ZMAT4: variants seen among roughly 807,000 people sequenced by gnomAD.
ZMAT4 encodes the protein zinc finger matrin-type 4.
A neutral mutation model predicts 28.7 loss-of-function variants in ZMAT4; 17 were observed. The ratio of observed to expected loss-of-function variants is 0.59; its 90% confidence interval spans 0.41 to 0.89. ZMAT4 has a LOEUF of 0.89. Among genes scored for constraint, ZMAT4 ranks in the 40% least tolerant of loss-of-function variants. The pLI, the probability that ZMAT4 is intolerant of heterozygous loss-of-function variation, is 0.00. For synonymous variants in ZMAT4, 117 were observed against 109.2 expected, an observed-to-expected ratio of 1.07 and a Z score of -0.44; for missense variants, 240 against 283.8, an observed-to-expected ratio of 0.85 and a Z score of 1.11.
intron 1 of ZMAT4, among the ~76,000 whole-genome samples, chr8:40,895,733 G>T (rs1263453503): frequency 6.6e-6 from 1 of 152,132 alleles, no homozygotes; most frequent in Non-Finnish European, 1.5e-5. Flanking sequence ...CAACAGATTG[G>T]CATCAATTAA....
intron 6 of ZMAT4, among the ~76,000 whole-genome samples, chr8:40,551,118 C>T (rs745384097): frequency 6.6e-6 from 1 of 152,096 alleles, no homozygotes; most frequent in Non-Finnish European, 1.5e-5. Context: ...GGCTGGCCTA[C>T]AATCCATAAT....
chr8:40,660,801 C>T (rs750126369), intron 5 of ZMAT4, among the ~76,000 whole-genome samples: 1 of 152,164 alleles, frequency 6.6e-6, no homozygotes, highest in Non-Finnish European at 1.5e-5. Flanking sequence ...TTGTAGAGTA[C>T]TGAATGAGCT....
chr8:40,862,901 A>G (rs1004552547), intron 1 of ZMAT4, among the ~76,000 whole-genome samples: 2 of 151,996 alleles, frequency 1.3e-5, no homozygotes, highest in African/African-American at 4.8e-5. Context: ...GCACACTGTC[A>G]TGGCACATGT....
chr8:40,591,977 G>GA (rs11287617), intron 5 of ZMAT4, among the ~76,000 whole-genome samples: 1 of 151,288 alleles, frequency 6.6e-6, no homozygotes, highest in African/African-American at 2.4e-5. Context: ...GTCTTTTATG[G>GA]AAAAAAAAAA....
At chr8:40,737,203 GA>G (rs34787546) in intron 3 of ZMAT4, among the ~76,000 whole-genome samples, 44,648 of 151,836 alleles carry the variant, frequency 0.29, 7,144 homozygotes, top group Non-Finnish European at 0.36. Flanking sequence ...AACATTATGA[GA>G]TTTTTTTTGC....
chr8:40,743,527 T>C (rs1282203383), intron 3 of ZMAT4, among the ~76,000 whole-genome samples: 1 of 152,194 alleles, frequency 6.6e-6, no homozygotes, highest in Non-Finnish European at 1.5e-5. Flanking sequence ...CGGTCCTTCA[T>C]TTATTCATCC....
At chr8:40,534,827 C>T (rs187884825) in intron 6 of ZMAT4, among the ~76,000 whole-genome samples, 1 of 152,022 alleles carries the variant, frequency 6.6e-6, no homozygotes, top group East Asian at 1.9e-4. Context: ...GGATTACAGC[C>T]ACGTGCTACC....
chr8:40,726,203 A>T (rs187566502), intron 3 of ZMAT4, among the ~76,000 whole-genome samples: 89 of 152,334 alleles, frequency 5.8e-4, no homozygotes, highest in African/African-American at 1.9e-3. Flanking sequence ...CCTTTATGCA[A>T]ACTCTGAAGT....
chr8:40,753,639 C>A (rs113884700), intron 3 of ZMAT4, among the ~76,000 whole-genome samples: 24 of 152,120 alleles, frequency 1.6e-4, no homozygotes, highest in Non-Finnish European at 3.1e-4. Context: ...TCTTGGTAGG[C>A]AAGCAATTAA....
intron 2 of ZMAT4, among the ~76,000 whole-genome samples, chr8:40,803,411 C>G (rs1038340504): frequency 6.6e-6 from 1 of 152,002 alleles, no homozygotes; most frequent in African/African-American, 2.4e-5. Flanking sequence ...GAACACAACC[C>G]CACTAAAAAA....
intron 3 of ZMAT4, among the ~76,000 whole-genome samples, chr8:40,765,512 T>A (rs1247156835): frequency 1.3e-5 from 2 of 152,242 alleles, no homozygotes; most frequent in African/African-American, 4.8e-5. Flanking sequence ...AAAAATGATT[T>A]GATAAATAAA....
intron 5 of ZMAT4, among the ~76,000 whole-genome samples, chr8:40,623,241 T>A (rs1220117487): frequency 6.6e-6 from 1 of 152,102 alleles, no homozygotes; most frequent in African/African-American, 2.4e-5. Context: ...AATAACATGG[T>A]CATCCGAGTT....
chr8:40,619,067 A>G (rs1806113316), intron 5 of ZMAT4, among the ~76,000 whole-genome samples: 1 of 152,180 alleles, frequency 6.6e-6, no homozygotes, highest in African/African-American at 2.4e-5. Context: ...TCAGTAACCA[A>G]TTCCTGACGC....
rs545035602 is a variant in ZMAT4, at chr8:40,658,856, C to T, written c.577+15848G>A. Among the ~76,000 whole-genome samples, 6 of 152,242 alleles carry T rather than the reference C, an allele frequency of 3.9e-5. No individual in the cohort carries two copies. The East Asian group carries it at 1.2e-3, about 30-fold the overall frequency. The stretch of plus-strand genomic sequence containing the variant: ...AGCCACAAAAACTGGAAAACTCACT[C>T]AATGTTCTTTCCTTATTCCAAATGT... On this transcript the variant is annotated intron_variant, in intron 5 of 6. Coordinates refer to ENST00000297737, the MANE Select transcript of ZMAT4 (RefSeq NM_024645.3).
At chr8:40,632,052 C>G (rs1364570776) in intron 5 of ZMAT4, among the ~76,000 whole-genome samples, 1 of 152,168 alleles carries the variant, frequency 6.6e-6, no homozygotes, top group Non-Finnish European at 1.5e-5. Context: ...CACAGGGAGC[C>G]TTTCCTGCCT....
At chr8:40,845,597 G>A (rs1415020727) in intron 1 of ZMAT4, among the ~76,000 whole-genome samples, 1 of 151,822 alleles carries the variant, frequency 6.6e-6, no homozygotes, top group Non-Finnish European at 1.5e-5. Context: ...CTAACTACAG[G>A]CAAGACAGGG....
At chr8:40,889,140 T>C (rs1241985228) in intron 1 of ZMAT4, among the ~76,000 whole-genome samples, 1 of 152,220 alleles carries the variant, frequency 6.6e-6, no homozygotes, top group Non-Finnish European at 1.5e-5. Context: ...CTTGAAATGC[T>C]AAGACAGGCC....
At chr8:40,868,920 T>A (rs759712020) in intron 1 of ZMAT4, among the ~76,000 whole-genome samples, 2 of 152,186 alleles carry the variant, frequency 1.3e-5, no homozygotes, top group Non-Finnish European at 2.9e-5. Flanking sequence ...GTGTCCCTAT[T>A]TTAAAATCGG....
chr8:40,837,432 G>A (rs1210828435), intron 1 of ZMAT4, among the ~76,000 whole-genome samples: 1 of 152,178 alleles, frequency 6.6e-6, no homozygotes, highest in African/African-American at 2.4e-5. Flanking sequence ...AAGGCACTAA[G>A]CCACTATGAT....
Sources: gnomAD v4.1 joint callset for allele counts (sites outside exome capture counted in the v4.1 genomes callset) on GRCh38, gnomAD v4.1.1 for gene constraint, MANE v1.5 for transcripts, NCBI Gene and HGNC (gene_info 2026-07-23, HGNC 2026-07-21) for gene names.